Variants in RANBP2 observed in about 807,000 individuals in gnomAD.
The protein encoded by RANBP2 is E3 SUMO-protein ligase RanBP2.
A neutral mutation model predicts 303.6 loss-of-function variants in RANBP2; 57 were observed. The observed-to-expected ratio is 0.19, with a 90% CI of 0.15 to 0.23. RANBP2 has a LOEUF of 0.23. RANBP2 is among the 10% of genes least tolerant of loss of function. The probability of loss-of-function intolerance (pLI) is 1.00; values close to 1 mark genes in which losing one functional copy is unlikely to be tolerated. For missense variants in RANBP2, 3,138 were observed against 3,780.8 expected, an observed-to-expected ratio of 0.83 and a Z score of 4.46; for synonymous variants, 1,167 against 1,301.5, an observed-to-expected ratio of 0.90 and a Z score of 2.23.
chr2:109,421,338 G>A, the RANBP2 span, among the ~76,000 whole-genome samples: 3,049 of 152,334 alleles, frequency 0.02, 122 homozygotes, highest in African/African-American at 0.07. Context: ...CAGGCTCTCA[G>A]TAGCTGCCAC....
chr2:109,201,091 C>T, the RANBP2 span, among the ~76,000 whole-genome samples: 2 of 152,344 alleles, frequency 1.3e-5, no homozygotes, highest in East Asian at 3.9e-4. Flanking sequence ...ACTCTCAGTT[C>T]TCTCCCCTGT....
At chr2:109,562,073 G>A in the RANBP2 span, among the ~76,000 whole-genome samples, 3 of 151,742 alleles carry the variant, frequency 2.0e-5, no homozygotes, top group African/African-American at 7.3e-5. Context: ...ATTAGCTGGG[G>A]GTGGTGGTGC....
At chr2:109,186,921 C>T in the RANBP2 span, among the ~76,000 whole-genome samples, 4 of 152,300 alleles carry the variant, frequency 2.6e-5, no homozygotes, top group Non-Finnish European at 2.9e-5. Context: ...AGCAAAAAAG[C>T]GTGCTAGAAC....
intron 7 of RANBP2, among the ~76,000 whole-genome samples, chr2:108,742,066 G>T (rs368291265): frequency 6.7e-6 from 1 of 150,338 alleles, no homozygotes; most frequent in East Asian, 2.0e-4. Context: ...GCGCGATCTG[G>T]CTCACTGCAA....
At chr2:109,460,918 G>A in the RANBP2 span, among the ~76,000 whole-genome samples, 2 of 152,202 alleles carry the variant, frequency 1.3e-5, no homozygotes, top group Non-Finnish European at 2.9e-5. Context: ...CCAGAGAGGG[G>A]CTGCAGTGCT....
the RANBP2 span, chr2:108,929,404 A>G: frequency 1.2e-6 from 2 of 1,613,112 alleles, no homozygotes; most frequent in Admixed American, 3.3e-5. Context: ...AGGACAGGGG[A>G]CACAGGTGAG....
the RANBP2 span, among the ~76,000 whole-genome samples, chr2:109,761,335 C>G: frequency 1.3e-5 from 2 of 151,230 alleles, no homozygotes; most frequent in Admixed American, 6.6e-5. Context: ...TTCTCCGTGC[C>G]GGTATTCCAG....
the RANBP2 span, among the ~76,000 whole-genome samples, chr2:108,976,865 C>T: frequency 2.0e-5 from 3 of 152,100 alleles, no homozygotes; most frequent in Non-Finnish European, 4.4e-5. Flanking sequence ...GTGCTCCAGG[C>T]TCCTCTTGTA....
At chr2:108,828,028 T>C in the RANBP2 span, among the ~76,000 whole-genome samples, 1 of 151,998 alleles carries the variant, frequency 6.6e-6, no homozygotes, top group Non-Finnish European at 1.5e-5. Context: ...AACTTGTAAA[T>C]AGATTTCACA....
At chr2:108,725,016 T>A (rs1694582245) in intron 1 of RANBP2, among the ~76,000 whole-genome samples, 1 of 152,142 alleles carries the variant, frequency 6.6e-6, no homozygotes, top group Non-Finnish European at 1.5e-5. Context: ...CCACAAATAT[T>A]AAGTTTTGGA....
At chr2:109,649,025 A>G in the RANBP2 span, among the ~76,000 whole-genome samples, 2 of 152,300 alleles carry the variant, frequency 1.3e-5, no homozygotes, top group East Asian at 3.9e-4. Context: ...CTGCAGTCAC[A>G]ACAACGGCGA....
chr2:109,324,642 C>T, the RANBP2 span, among the ~76,000 whole-genome samples: 1 of 151,982 alleles, frequency 6.6e-6, no homozygotes, highest in Non-Finnish European at 1.5e-5. Context: ...TTGAAGAAGG[C>T]GAAGTTGATC....
At chr2:108,978,664 G>A in the RANBP2 span, among the ~76,000 whole-genome samples, 1 of 152,150 alleles carries the variant, frequency 6.6e-6, no homozygotes, top group African/African-American at 2.4e-5. Context: ...TAGAACCTGA[G>A]GTGCAGTGAA....
the RANBP2 span, among the ~76,000 whole-genome samples, chr2:109,375,291 C>T: frequency 1.3e-5 from 2 of 152,328 alleles, no homozygotes; most frequent in African/African-American, 2.4e-5. Context: ...TTTCGCCCAT[C>T]GTTTTGCAAA....
chr2:109,518,915 C>CTTTTTTTTTTTTTTTTTTTTTTTTTTTTT, the RANBP2 span, among the ~76,000 whole-genome samples: 2 of 110,998 alleles, frequency 1.8e-5, no homozygotes, highest in Non-Finnish European at 1.7e-5. Context: ...TGCTACATAT[C>CTTTTTTTTTTTTTTTTTTTTTTTTTTTTT]TTTTTTTTTT....
At chr2:109,353,083 G>T in the RANBP2 span, among the ~76,000 whole-genome samples, 2 of 152,364 alleles carry the variant, frequency 1.3e-5, no homozygotes, top group East Asian at 3.9e-4. Context: ...GCCACATGGA[G>T]CCTCTGCTCA....
intron 24 of RANBP2, among the ~76,000 whole-genome samples, chr2:108,776,416 T>C (rs1677896820): frequency 6.6e-6 from 1 of 152,178 alleles, no homozygotes; most frequent in Non-Finnish European, 1.5e-5. Flanking sequence ...TACAGTAACA[T>C]ATTTGGTATT....
the RANBP2 span, among the ~76,000 whole-genome samples, chr2:109,018,020 C>T: frequency 6.6e-6 from 1 of 152,190 alleles, no homozygotes; most frequent in Admixed American, 6.5e-5. Context: ...TTTGCAGTCT[C>T]ACAGATGTTT....
At chr2:108,806,754 T>G in the RANBP2 span, among the ~76,000 whole-genome samples, 1 of 152,342 alleles carries the variant, frequency 6.6e-6, no homozygotes, top group South Asian at 2.1e-4. Flanking sequence ...ATATGTTATT[T>G]CTGTGACTGA....
Sources: allele counts gnomAD v4.1 joint callset (sites outside exome capture counted in the v4.1 genomes callset), GRCh38; gene constraint gnomAD v4.1.1; transcripts MANE v1.5; gene names NCBI Gene and HGNC (gene_info 2026-07-23, HGNC 2026-07-21).